Variants in TYR observed in about 807,000 individuals in gnomAD.
The protein encoded by TYR is LB24-AB.
In TYR, 58 loss-of-function variants were observed where a neutral mutation model predicts 51.5. That is an observed-to-expected ratio of 1.13 (90% CI 0.91 to 1.40). The LOEUF is 1.40. Among genes scored for constraint, TYR ranks in the 40% most tolerant of loss-of-function variants. The pLI is 0.00. For missense variants in TYR, 732 were observed against 647.4 expected (o/e 1.13, Z -1.42); for synonymous variants, 263 against 235.2 (o/e 1.12, Z -1.08).
intron 3 of TYR, among the ~76,000 whole-genome samples, chr11:89,276,661 A>G (rs1944658396): frequency 6.6e-6 from 1 of 151,834 alleles, no homozygotes; most frequent in Admixed American, 6.6e-5. Context: ...TAAGGTGTTT[A>G]ATGCTAATTA....
chr11:89,281,371 A>G (rs929448146), intron 3 of TYR, among the ~76,000 whole-genome samples: 1 of 151,674 alleles, frequency 6.6e-6, no homozygotes, highest in African/African-American at 2.4e-5. Flanking sequence ...CCTCCCTGTA[A>G]CAGAGTAAGG....
chr11:89,200,364 A>G (rs1943581885), intron 2 of TYR: 1 of 152,214 alleles, frequency 6.6e-6, no homozygotes, highest in Admixed American at 6.5e-5. Flanking sequence ...GGCTTGAGCC[A>G]CCACACCTGG....
intron 3 of TYR, among the ~76,000 whole-genome samples, chr11:89,257,215 G>C (rs1016176082): frequency 3.3e-5 from 5 of 151,964 alleles, no homozygotes; most frequent in Admixed American, 2.6e-4. Flanking sequence ...GTGGAATGTA[G>C]TAGGACATCG....
At chr11:89,240,200 T>A (rs574091874) in intron 3 of TYR, among the ~76,000 whole-genome samples, 1 of 152,050 alleles carries the variant, frequency 6.6e-6, no homozygotes, top group African/African-American at 2.4e-5. Flanking sequence ...AACGTTTACC[T>A]ACATAACAAA....
rs184632442 is a variant in TYR at position 89,255,498 on chromosome 11, A to G, written c.1184+27528A>G. On this transcript the variant is annotated intron_variant, in intron 3 of 4. Coordinates refer to ENST00000263321, the MANE Select transcript of TYR (RefSeq NM_000372.5). ...TTAATTGGCAATATTCCTTTCTTAA[A>G]TGTTTGGCAGAATTCACCAATAAAG... 2.6e-4 allele frequency among the ~76,000 whole-genome samples: 40 copies of G among 151,854 alleles called. 1 individual carries two copies. The East Asian group carries it at 7.3e-3, about 28-fold the overall frequency.
At chr11:89,222,607 C>T (rs1565403197) in intron 2 of TYR, among the ~76,000 whole-genome samples, 1 of 152,112 alleles carries the variant, frequency 6.6e-6, no homozygotes. Context: ...GGCATGCTGG[C>T]TTGTGCCTGT....
At chr11:89,257,095 A>G (rs1442996061) in intron 3 of TYR, among the ~76,000 whole-genome samples, 1 of 151,982 alleles carries the variant, frequency 6.6e-6, no homozygotes, top group African/African-American at 2.4e-5. Context: ...ACTGAAATAA[A>G]CAAGAAGGAA....
intron 3 of TYR, among the ~76,000 whole-genome samples, chr11:89,268,366 G>A (rs1444986485): frequency 2.0e-5 from 3 of 151,778 alleles, no homozygotes; most frequent in Admixed American, 2.0e-4. Flanking sequence ...CCAATAAATT[G>A]AAATTATTAC....
At chr11:89,236,082 A>G (rs1234534644) in intron 3 of TYR, among the ~76,000 whole-genome samples, 1 of 152,120 alleles carries the variant, frequency 6.6e-6, no homozygotes, top group East Asian at 1.9e-4. Flanking sequence ...CATATTGTCA[A>G]TGGATGCTTT....
intron 3 of TYR, among the ~76,000 whole-genome samples, chr11:89,261,364 G>GA (rs201381825): frequency 0.016 from 2,392 of 152,060 alleles, 64 homozygotes; most frequent in African/African-American, 0.054. Context: ...AGGTTGAAAA[G>GA]AAAAAGATAT....
At chr11:89,240,299 T>C (rs1403771001) in intron 3 of TYR, among the ~76,000 whole-genome samples, 1 of 151,976 alleles carries the variant, frequency 6.6e-6, no homozygotes, top group Admixed American at 6.6e-5. Context: ...AGGATCCAAT[T>C]GGTAAAAACT....
chr11:89,280,595 T>A (rs1944709648), intron 3 of TYR, among the ~76,000 whole-genome samples: 1 of 151,458 alleles, frequency 6.6e-6, no homozygotes. Flanking sequence ...TATAGTTTTT[T>A]AAAATTGATA....
At chr11:89,238,210 A>T (rs569579095) in intron 3 of TYR, among the ~76,000 whole-genome samples, 1 of 152,192 alleles carries the variant, frequency 6.6e-6, no homozygotes, top group South Asian at 2.1e-4. Flanking sequence ...TCAATATTTT[A>T]TAGTTTTCAG....
chr11:89,206,590 C>T (rs938124913), intron 2 of TYR, among the ~76,000 whole-genome samples: 5 of 152,102 alleles, frequency 3.3e-5, no homozygotes, highest in African/African-American at 4.8e-5. Flanking sequence ...GGCAAAACAT[C>T]TGCAGTGATA....
chr11:89,266,267 T>G (rs1361778766), intron 3 of TYR, among the ~76,000 whole-genome samples: 1 of 152,062 alleles, frequency 6.6e-6, no homozygotes, highest in Non-Finnish European at 1.5e-5. Flanking sequence ...TGTATATTTC[T>G]ATAATTGTAA....
At chr11:89,215,525 T>TAATAAAATAA (rs148271676) in intron 2 of TYR, among the ~76,000 whole-genome samples, 1 of 151,532 alleles carries the variant, frequency 6.6e-6, no homozygotes, top group East Asian at 1.9e-4. Context: ...ATAATAATAG[T>TAATAAAATAA]AATAAAATAA....
At chr11:89,217,357 T>C (rs1201610453) in intron 2 of TYR, among the ~76,000 whole-genome samples, 1 of 152,150 alleles carries the variant, frequency 6.6e-6, no homozygotes, top group Admixed American at 6.6e-5. Flanking sequence ...AATTTGGATG[T>C]TTCTGGTTGG....
At chr11:89,276,610 T>C (rs1944657723) in intron 3 of TYR, among the ~76,000 whole-genome samples, 1 of 151,768 alleles carries the variant, frequency 6.6e-6, no homozygotes, top group African/African-American at 2.4e-5. Flanking sequence ...TTCTTGAGTA[T>C]AAAGTGTGTG....
rs577370259 is a variant in TYR at position 89,178,779 on chromosome 11, T to C, written c.819+7T>C. ...ATTCTTCTCCTCTTGGCAGGTAAGA[T>C]ATGCTAGATATACGATGTCAGAGTA... On this transcript the variant is annotated splice_region_variant and intron_variant, in intron 1 of 4. Coordinates refer to ENST00000263321, the MANE Select transcript of TYR (RefSeq NM_000372.5). 6.2e-7 allele frequency: 1 copy of C among 1,613,828 alleles called. No individual in the cohort carries two copies. The highest frequency in any genetic ancestry group is 8.5e-7 in the Non-Finnish European group (1 of 1,179,878).
Sources: allele counts gnomAD v4.1 joint callset (sites outside exome capture counted in the v4.1 genomes callset), GRCh38; gene constraint gnomAD v4.1.1; transcripts MANE v1.5; gene names NCBI Gene and HGNC (gene_info 2026-07-23, HGNC 2026-07-21).